GPR137C: variants seen among roughly 807,000 people sequenced by gnomAD.
The protein encoded by GPR137C is integral membrane protein GPR137C.
A neutral mutation model predicts 43.4 loss-of-function variants in GPR137C; 27 were observed. That is an observed-to-expected ratio of 0.62 (90% CI 0.46 to 0.86). The LOEUF (loss-of-function observed/expected upper bound fraction) is 0.86, where lower values mean the gene tolerates loss of function less well. Among genes scored for constraint, GPR137C ranks in the 40% least tolerant of loss-of-function variants. The pLI is 0.00. For missense variants in GPR137C, 522 were observed against 534.6 expected (o/e 0.98, Z 0.23); for synonymous variants, 285 against 226.9 (o/e 1.26, Z -2.30).
At chr14:52,625,619 A>C (rs1364375800) in intron 3 of GPR137C, among the ~76,000 whole-genome samples, 1 of 115,828 alleles carries the variant, frequency 8.6e-6, no homozygotes, top group African/African-American at 3.3e-5. Context: ...CAGTGGCGTG[A>C]TCTCGGCTCA....
intron 1 of GPR137C, among the ~76,000 whole-genome samples, chr14:52,596,232 G>C (rs1180546418): frequency 6.6e-6 from 1 of 152,188 alleles, no homozygotes; most frequent in Non-Finnish European, 1.5e-5. Flanking sequence ...TGAGGTGTCT[G>C]TCGGCCCCTA....
At chr14:52,568,373 T>C (rs1293427431) in intron 1 of GPR137C, among the ~76,000 whole-genome samples, 2 of 152,170 alleles carry the variant, frequency 1.3e-5, no homozygotes, top group Non-Finnish European at 2.9e-5. Flanking sequence ...ACAAAACTGG[T>C]TGGCTGTTTG....
chr14:52,620,855 A>G (rs2039152754), intron 3 of GPR137C, among the ~76,000 whole-genome samples: 1 of 152,002 alleles, frequency 6.6e-6, no homozygotes, highest in Non-Finnish European at 1.5e-5. Context: ...AGATAAATCA[A>G]TAAAAAGTAT....
intron 1 of GPR137C, among the ~76,000 whole-genome samples, chr14:52,569,197 CCTGA>C (rs1293031398): frequency 2.0e-5 from 3 of 152,072 alleles, no homozygotes; most frequent in Non-Finnish European, 2.9e-5. Context: ...ACCGGAGGGG[CCTGA>C]CTGTTAGAAG....
At chr14:52,596,003 G>T (rs1242458340) in intron 1 of GPR137C, among the ~76,000 whole-genome samples, 4 of 152,164 alleles carry the variant, frequency 2.6e-5, no homozygotes, top group Non-Finnish European at 4.4e-5. Context: ...TGGGGTTTTG[G>T]TGTGGATGTC....
chr14:52,596,593 T>G (rs1267995060), intron 1 of GPR137C, among the ~76,000 whole-genome samples: 1 of 152,158 alleles, frequency 6.6e-6, no homozygotes, highest in South Asian at 2.1e-4. Context: ...TGCGCTAGCA[T>G]TGAGCAAGGC....
intron 1 of GPR137C, among the ~76,000 whole-genome samples, chr14:52,559,542 AAG>A (rs758707108): frequency 1.8e-4 from 27 of 152,064 alleles, no homozygotes; most frequent in African/African-American, 2.7e-4. Flanking sequence ...AATGAGGGAA[AAG>A]GGGGAATTTT....
chr14:52,565,389 GTTAAAATGAACTCT>G, intron 1 of GPR137C, among the ~76,000 whole-genome samples: 1 of 152,024 alleles, frequency 6.6e-6, no homozygotes, highest in Admixed American at 6.6e-5. Context: ...ATCAAAGTTA[GTTAAAATGAACTCT>G]GAGTAATTTA....
rs151038945 is a variant in GPR137C, at chr14:52,635,282, A to G, written c.*167A>G. On this transcript the variant is annotated 3_prime_UTR_variant, in exon 7 of 7. Coordinates refer to ENST00000321662, the MANE Select transcript of GPR137C (RefSeq NM_001099652.2). Reference sequence around the variant, plus strand: ...CACAGCTATTATTTTTGACCTCTTCATAGTAAAATGAAGTAAAATGGAAAG... The same window carrying G: ...CACAGCTATTATTTTTGACCTCTTCGTAGTAAAATGAAGTAAAATGGAAAG... 8.9e-4 allele frequency: 456 copies of G among 509,592 alleles called. No individual in the cohort carries two copies. Among genetic ancestry groups the G allele is most frequent in the African/African-American group, 8.5e-3 (424 of 49,784 alleles). 31.6% of individuals were successfully genotyped at this position (509,592 alleles called of 1,614,324 possible).
In GPR137C at chr14:52,558,035, A is replaced by G. The variant is rs538019830; in HGVS notation, c.444+4444A>G. Among the ~76,000 whole-genome samples the G allele has an allele frequency of 3.9e-5, 6 of 152,204 alleles. No individual in the cohort carries two copies. The South Asian group carries it at 1.2e-3, about 32-fold the overall frequency. ...ATCTGGCCTACCAGAGATTCAGAGA[A>G]ATGCTGCAGAGAGTAGTCAGTCTTT... On this transcript the variant is annotated intron_variant, in intron 1 of 6. Coordinates refer to ENST00000321662, the MANE Select transcript of GPR137C (RefSeq NM_001099652.2).
At chr14:52,584,172 G>C (rs1044628093) in intron 1 of GPR137C, among the ~76,000 whole-genome samples, 1 of 152,072 alleles carries the variant, frequency 6.6e-6, no homozygotes, top group African/African-American at 2.4e-5. Context: ...ATGAAAAAAT[G>C]CATCCTGGTT....
chr14:52,557,532 A>G (rs1339780486), intron 1 of GPR137C, among the ~76,000 whole-genome samples: 4 of 152,194 alleles, frequency 2.6e-5, no homozygotes, highest in African/African-American at 7.2e-5. Flanking sequence ...TCAATGTTTG[A>G]CTTTTATCCA....
chr14:52,611,278 A>G (rs1313453844), intron 3 of GPR137C, among the ~76,000 whole-genome samples: 1 of 151,964 alleles, frequency 6.6e-6, no homozygotes, highest in African/African-American at 2.4e-5. Context: ...GAATCTGGGA[A>G]TTTATTCTTT....
chr14:52,612,947 T>G (rs1480790960), intron 3 of GPR137C: 2 of 151,938 alleles, frequency 1.3e-5, no homozygotes, highest in African/African-American at 4.8e-5. Context: ...GTATGGGGTA[T>G]ATAAAATATT....
intron 1 of GPR137C, among the ~76,000 whole-genome samples, chr14:52,575,046 G>A (rs1021141802): frequency 3.3e-5 from 5 of 152,028 alleles, no homozygotes; most frequent in Admixed American, 3.3e-4. Context: ...TCTTGGTTCA[G>A]GAATAAATTC....
intron 3 of GPR137C, among the ~76,000 whole-genome samples, chr14:52,604,374 T>C (rs2038960326): frequency 6.6e-6 from 1 of 152,152 alleles, no homozygotes; most frequent in Non-Finnish European, 1.5e-5. Flanking sequence ...TGTTTTCTTC[T>C]AGTACTTTCA....
At chr14:52,613,988 C>T (rs952681935) in intron 3 of GPR137C, among the ~76,000 whole-genome samples, 3 of 152,190 alleles carry the variant, frequency 2.0e-5, no homozygotes, top group African/African-American at 4.8e-5. Context: ...CCAAGGTTCC[C>T]TTTTCCTCAC....
chr14:52,586,694 C>T (rs1305311783), intron 1 of GPR137C, among the ~76,000 whole-genome samples: 1 of 152,170 alleles, frequency 6.6e-6, no homozygotes, highest in African/African-American at 2.4e-5. Flanking sequence ...TACTGAGTTT[C>T]AGCTGTCACC....
At chr14:52,589,157 T>C (rs1182166874) in intron 1 of GPR137C, among the ~76,000 whole-genome samples, 2 of 152,202 alleles carry the variant, frequency 1.3e-5, no homozygotes, top group Admixed American at 6.6e-5. Context: ...AATCTACTTA[T>C]ATGAGGTACA....
Sources: allele counts gnomAD v4.1 joint callset (sites outside exome capture counted in the v4.1 genomes callset), GRCh38; gene constraint gnomAD v4.1.1; transcripts MANE v1.5; gene names NCBI Gene and HGNC (gene_info 2026-07-23, HGNC 2026-07-21).